The following CAPZA1 variants were observed in gnomAD, a reference collection of about 807,000 sequenced individuals.
CAPZA1 encodes capping actin protein of muscle Z-line subunit alpha 1.
Under a neutral mutation model 40.8 loss-of-function variants are expected in CAPZA1, and 10 were observed. The observed-to-expected ratio is 0.25, with a 90% CI of 0.15 to 0.42. The LOEUF (loss-of-function observed/expected upper bound fraction) is 0.42, where lower values mean the gene tolerates loss of function less well. Among genes scored for constraint, CAPZA1 ranks in the 10% least tolerant of loss-of-function variants. The pLI is 1.00. For missense variants in CAPZA1, 277 were observed against 353.8 expected, an observed-to-expected ratio of 0.78 and a Z score of 1.74; for synonymous variants, 98 against 115.0, an observed-to-expected ratio of 0.85 and a Z score of 0.95.
chr1:112,643,197 A>C (rs888926800), intron 1 of CAPZA1, among the ~76,000 whole-genome samples: 5 of 152,226 alleles, frequency 3.3e-5, no homozygotes, highest in African/African-American at 1.2e-4. Context: ...TGTACATGCC[A>C]AGGAAAATAT....
chr1:112,662,812 A>T (rs1203995981), intron 7 of CAPZA1, among the ~76,000 whole-genome samples: 1 of 152,160 alleles, frequency 6.6e-6, no homozygotes, highest in African/African-American at 2.4e-5. Context: ...TATAGTCTTT[A>T]TTCTCGAACA....
chr1:112,668,496 T>C (rs1056050072), intron 8 of CAPZA1, among the ~76,000 whole-genome samples: 3 of 152,100 alleles, frequency 2.0e-5, no homozygotes, highest in Non-Finnish European at 2.9e-5. Flanking sequence ...TTTTTGCTTG[T>C]TTGTTTGTTT....
At position 112,671,176 on chromosome 1, in the gene CAPZA1, C is replaced by T. The variant is rs779601831; in HGVS notation, c.*1044C>T. ...AAACTTCTTTCAAATTACTCTTCCT[C>T]AGTCCTGCCTGCCAAGAACTCAAGT... On this transcript the variant is annotated 3_prime_UTR_variant, in exon 10 of 10. Transcript: ENST00000263168. 1 of 152,630 alleles carries T rather than the reference C, an allele frequency of 6.6e-6. No homozygotes were observed. The highest frequency in any genetic ancestry group is 1.5e-5 in the Non-Finnish European group (1 of 68,034). 9.5% of individuals were successfully genotyped at this position (152,630 alleles called of 1,614,324 possible).
chr1:112,665,724 G>C (rs867958050), intron 7 of CAPZA1, among the ~76,000 whole-genome samples: 2 of 152,092 alleles, frequency 1.3e-5, no homozygotes, highest in South Asian at 4.1e-4. Flanking sequence ...GCCTCTTTTA[G>C]AACGGCACTA....
intron 1 of CAPZA1, among the ~76,000 whole-genome samples, chr1:112,644,289 G>A (rs909063023): frequency 2.1e-5 from 3 of 140,858 alleles, no homozygotes; most frequent in African/African-American, 5.4e-5. Flanking sequence ...CTTCCGGGTT[G>A]AGGTGATTCT....
intron 1 of CAPZA1, among the ~76,000 whole-genome samples, chr1:112,631,288 A>T (rs1670911579): frequency 1.3e-5 from 2 of 152,234 alleles, no homozygotes. Context: ...TGAACTTTTT[A>T]AAAGACAACA....
Position 112,667,079 on chromosome 1 carries a change from C to T in CAPZA1, c.591C>T (p.His197=), listed in dbSNP as rs781639093. 1.9e-6 allele frequency: 3 copies of T among 1,610,850 alleles called. No homozygotes were observed. The highest frequency in any genetic ancestry group is 2.2e-5 in the South Asian group (2 of 90,550). Residue 197 remains histidine, a synonymous_variant, in exon 8 of 10, where the codon CAC becomes CAT. Transcript: ENST00000263168. ...QVVGVLKIQV[H]YYEDGNVQLV... ...TCAAACATTGTCTCACACAGGTTCA[C>T]TATTATGAAGATGGCAATGTTCAGT...
chr1:112,670,220 G>T lies in CAPZA1; in HGVS notation c.*88G>T. ...AAATAAGTGATTTATAAACAAGAGT[G>T]ATATTTTGCTAGGGCTTTCAAAGTT... On this transcript the variant is annotated 3_prime_UTR_variant, in exon 10 of 10. Transcript: ENST00000263168. 4 of 1,501,244 alleles carry T rather than the reference G, an allele frequency of 2.7e-6. No homozygotes were observed. The highest frequency in any genetic ancestry group is 1.2e-5 in the South Asian group (1 of 83,598). The allele number at this position is 1,501,244 out of a possible 1,614,324, so 93.0% of individuals were successfully genotyped here.
intron 3 of CAPZA1, among the ~76,000 whole-genome samples, chr1:112,653,022 G>T (rs1671426096): frequency 6.6e-6 from 1 of 152,134 alleles, no homozygotes; most frequent in African/African-American, 2.4e-5. Context: ...GATGCCTTCT[G>T]ACATTTAATT....
chr1:112,633,652 C>T (rs188436424), intron 1 of CAPZA1, among the ~76,000 whole-genome samples: 1 of 152,082 alleles, frequency 6.6e-6, no homozygotes, highest in Non-Finnish European at 1.5e-5. Flanking sequence ...TAGTATATTG[C>T]GGAATTTCCA....
chr1:112,653,039 T>C (rs1168710631), intron 3 of CAPZA1, among the ~76,000 whole-genome samples: 3 of 152,216 alleles, frequency 2.0e-5, no homozygotes, highest in African/African-American at 2.4e-5. Context: ...AATTATAGTT[T>C]CTCGTGACTT....
intron 1 of CAPZA1, among the ~76,000 whole-genome samples, chr1:112,627,191 C>A (rs1048883492): frequency 6.6e-6 from 1 of 152,202 alleles, no homozygotes; most frequent in Non-Finnish European, 1.5e-5. Flanking sequence ...AGCCTATGCT[C>A]TTACCCATTT....
chr1:112,636,027 T>TC (rs1671009848), intron 1 of CAPZA1, among the ~76,000 whole-genome samples: 1 of 152,150 alleles, frequency 6.6e-6, no homozygotes, highest in African/African-American at 2.4e-5. Flanking sequence ...AGACTCTTTC[T>TC]AGAAAAAAAT....
At chr1:112,665,952 C>T (rs1432692031) in intron 7 of CAPZA1, among the ~76,000 whole-genome samples, 1 of 152,194 alleles carries the variant, frequency 6.6e-6, no homozygotes, top group Non-Finnish European at 1.5e-5. Context: ...CAAGTATAAT[C>T]TTTCTAAAAC....
At chr1:112,640,083 T>G (rs1671114892) in intron 1 of CAPZA1, among the ~76,000 whole-genome samples, 1 of 113,402 alleles carries the variant, frequency 8.8e-6, no homozygotes, top group Non-Finnish European at 1.8e-5. Context: ...CGGCCGCCCC[T>G]ACTGGGAAGT....
At chr1:112,642,472 C>T (rs972990409) in intron 1 of CAPZA1, among the ~76,000 whole-genome samples, 1 of 152,038 alleles carries the variant, frequency 6.6e-6, no homozygotes, top group Non-Finnish European at 1.5e-5. Flanking sequence ...ACTTTGGCCT[C>T]CCAAAGTGCT....
chr1:112,649,486 A>G lies in CAPZA1; in HGVS notation c.155+17A>G, dbSNP rs1311779720. ...GGCAGCACAGTAAGTATCTTTCCAA[A>G]TCCACTTAGAATGTTACTCTAACAT... On this transcript the variant is annotated intron_variant, in intron 3 of 9. Transcript: ENST00000263168. 6.3e-7 allele frequency: 1 copy of G among 1,586,558 alleles called. No homozygotes were observed. Among genetic ancestry groups the G allele is most frequent in the South Asian group, 1.1e-5 (1 of 90,174 alleles).
intron 1 of CAPZA1, among the ~76,000 whole-genome samples, chr1:112,646,157 G>A (rs146549510): frequency 6.6e-6 from 1 of 152,288 alleles, no homozygotes; most frequent in East Asian, 1.9e-4. Context: ...AGGGAGAATG[G>A]CAACAGGGGG....
chr1:112,657,148 C>T (rs1211568901), intron 5 of CAPZA1, among the ~76,000 whole-genome samples: 1 of 152,046 alleles, frequency 6.6e-6, no homozygotes, highest in African/African-American at 2.4e-5. Context: ...AATCCGTTCG[C>T]CTCAGCTTCC....
Sources: gnomAD v4.1 joint callset for allele counts (sites outside exome capture counted in the v4.1 genomes callset) on GRCh38, gnomAD v4.1.1 for gene constraint, MANE v1.5 for transcripts, NCBI Gene and HGNC (gene_info 2026-07-23, HGNC 2026-07-21) for gene names.